The following TSHZ3 variants were observed in gnomAD, a reference collection of about 807,000 sequenced individuals.
The protein encoded by TSHZ3 is teashirt zinc finger homeobox 3, also known as teashirt homolog 3.
In TSHZ3, 10 loss-of-function variants were observed where a neutral mutation model predicts 64.5. The observed-to-expected ratio is 0.16, with a 90% CI of 0.10 to 0.26. The LOEUF is 0.26. TSHZ3 is among the 10% of genes least tolerant of loss of function. The probability of loss-of-function intolerance (pLI) is 1.00; values close to 1 mark genes in which losing one functional copy is unlikely to be tolerated. For synonymous variants in TSHZ3, 608 were observed against 593.1 expected (o/e 1.03, Z -0.36); for missense variants, 1,242 against 1,421.7 (o/e 0.87, Z 2.03).
At chr19:31,322,136 G>GT (rs953791680) in intron 1 of TSHZ3, among the ~76,000 whole-genome samples, 16 of 151,306 alleles carry the variant, frequency 1.1e-4, no homozygotes, top group East Asian at 5.8e-4. Context: ...ATGTTTGTTT[G>GT]TTTTTTTTTG....
chr19:31,316,563 C>A lies in TSHZ3; in HGVS notation c.40+32617G>T, dbSNP rs192276457. Among the ~76,000 whole-genome samples, 128 of 152,336 alleles carry A rather than the reference C, an allele frequency of 8.4e-4. 1 individual carries two copies. Among genetic ancestry groups the A allele is most frequent in the Admixed American group, 7.6e-3 (117 of 15,308 alleles). On this transcript the variant is annotated intron_variant, in intron 1 of 1. Transcript: ENST00000240587. ...TGCAATCAAGCCTCTTGCAATCAAACAGCCTGGGCTGGGGAAATAGTGCTA... is the reference window on the plus strand; with the variant it reads ...TGCAATCAAGCCTCTTGCAATCAAAAAGCCTGGGCTGGGGAAATAGTGCTA...
intron 5 of TSHZ3, among the ~76,000 whole-genome samples, chr19:31,176,755 A>G (rs989432792): frequency 1.3e-5 from 2 of 152,184 alleles, no homozygotes; most frequent in African/African-American, 4.8e-5. Flanking sequence ...GCACCAGTGC[A>G]CTTTAGCCTG....
At chr19:31,191,216 C>T (rs1360403357) in intron 5 of TSHZ3, among the ~76,000 whole-genome samples, 1 of 151,874 alleles carries the variant, frequency 6.6e-6, no homozygotes. Flanking sequence ...ACAGGAGAAA[C>T]ATAAAGATAT....
rs535909241 is a variant in TSHZ3 at position 31,241,874 on chromosome 19, T to C, written n.550+395A>G. On this transcript the variant is annotated intron_variant and non_coding_transcript_variant, in intron 3 of 6. Coordinates refer to the TSHZ3 transcript ENST00000651361. The stretch of plus-strand genomic sequence containing the variant: ...TCATACGTTGTGTCTAGTTTTATAG[T>C]TCTTTATGACAAGAGAACCAACTGA... Among the ~76,000 whole-genome samples, 3 of 152,348 alleles carry C rather than the reference T, an allele frequency of 2.0e-5. No homozygotes were observed. In the East Asian group the frequency reaches 5.8e-4, roughly 29 times the overall value.
intron 1 of TSHZ3, among the ~76,000 whole-genome samples, chr19:31,248,134 C>T (rs967591268): frequency 3.9e-5 from 6 of 152,034 alleles, no homozygotes; most frequent in African/African-American, 1.4e-4. Flanking sequence ...ATGGGGGAAA[C>T]CTCCTGCACG....
intron 5 of TSHZ3, among the ~76,000 whole-genome samples, chr19:31,169,171 G>A (rs1974499732): frequency 6.6e-6 from 1 of 151,740 alleles, no homozygotes. Flanking sequence ...GAAAAAGAAA[G>A]TAAAAAGGCC....
At chr19:31,280,556 G>C (rs1317681746) in intron 1 of TSHZ3, among the ~76,000 whole-genome samples, 1 of 152,162 alleles carries the variant, frequency 6.6e-6, no homozygotes, top group East Asian at 1.9e-4. Context: ...AACAAGTTCA[G>C]GAAAATTGGT....
At chr19:31,221,956 C>A (rs1397232772) in intron 4 of TSHZ3, among the ~76,000 whole-genome samples, 1 of 152,204 alleles carries the variant, frequency 6.6e-6, no homozygotes, top group Non-Finnish European at 1.5e-5. Context: ...AGCCCCAGGA[C>A]TTTGAATCTG....
At chr19:31,320,035 T>A (rs1162215380) in intron 1 of TSHZ3, among the ~76,000 whole-genome samples, 2 of 151,978 alleles carry the variant, frequency 1.3e-5, no homozygotes, top group Admixed American at 6.5e-5. Flanking sequence ...GAGCTGCAGA[T>A]GACCTGACGT....
rs142446291 is a variant in TSHZ3 at position 31,203,116 on chromosome 19, G to T, written n.809+1840C>A. The stretch of plus-strand genomic sequence containing the variant: ...ATGTTTGGAGGAGGGTGCCATAGAG[G>T]TTTAGATGGTCAAAGGAAGCTCCAT... On this transcript the variant is annotated intron_variant and non_coding_transcript_variant, in intron 5 of 6. Transcript: ENST00000651361. 2.0e-4 allele frequency among the ~76,000 whole-genome samples: 30 copies of T among 152,160 alleles called. No homozygotes were observed. The East Asian group carries it at 2.3e-3, about 12-fold the overall frequency.
chr19:31,154,993 C>T (rs1429634766), intron 6 of TSHZ3, among the ~76,000 whole-genome samples: 1 of 152,358 alleles, frequency 6.6e-6, no homozygotes, highest in Non-Finnish European at 1.5e-5. Flanking sequence ...GGGGACACCC[C>T]TTGCCTCTGT....
At chr19:31,274,726 C>A (rs186407688), downstream of TSHZ3, among the ~76,000 whole-genome samples, 1 of 151,850 alleles carries the variant, frequency 6.6e-6, no homozygotes, top group Admixed American at 6.6e-5. Flanking sequence ...TGTTTATTCT[C>A]GGTGCAGATC....
chr19:31,308,417 C>G (rs1367186311), intron 1 of TSHZ3: 4 of 381,182 alleles, frequency 1.0e-5, no homozygotes, highest in African/African-American at 2.1e-5. Flanking sequence ...GAACATTCCC[C>G]CGACAGGCAA....
chr19:31,152,426 G>T (rs1459995602), intron 6 of TSHZ3, among the ~76,000 whole-genome samples: 1 of 152,066 alleles, frequency 6.6e-6, no homozygotes, highest in Admixed American at 6.5e-5. Flanking sequence ...GAGGTGGGAG[G>T]ATTGCCGCTT....
intron 1 of TSHZ3, among the ~76,000 whole-genome samples, chr19:31,313,849 ACT>A (rs1916527226): frequency 6.6e-6 from 1 of 152,184 alleles, no homozygotes; most frequent in African/African-American, 2.4e-5. Flanking sequence ...AGGGTATGGC[ACT>A]GAGAGTCCGG....
intron 1 of TSHZ3, among the ~76,000 whole-genome samples, chr19:31,328,925 G>A (rs1281007877): frequency 1.3e-5 from 2 of 152,158 alleles, no homozygotes; most frequent in East Asian, 1.9e-4. Context: ...TCACCTAAGC[G>A]GGAGTGGCTC....
chr19:31,189,499 A>G (rs560460012), intron 5 of TSHZ3, among the ~76,000 whole-genome samples: 1 of 152,020 alleles, frequency 6.6e-6, no homozygotes, highest in South Asian at 2.1e-4. Flanking sequence ...TTTGATGAGT[A>G]GGTTATTTAG....
intron 1 of TSHZ3, among the ~76,000 whole-genome samples, chr19:31,267,388 C>T (rs1311586211): frequency 6.6e-6 from 1 of 152,132 alleles, no homozygotes; most frequent in East Asian, 1.9e-4. Flanking sequence ...TTCAAATGGG[C>T]CATGGTGGTC....
intron 1 of TSHZ3, among the ~76,000 whole-genome samples, chr19:31,260,318 T>C (rs1975968500): frequency 6.6e-6 from 1 of 152,242 alleles, no homozygotes; most frequent in Admixed American, 6.5e-5. Flanking sequence ...CTCTTGTCCG[T>C]GGTGCCCTGC....
Sources: gnomAD v4.1 joint callset for allele counts (sites outside exome capture counted in the v4.1 genomes callset) on GRCh38, gnomAD v4.1.1 for gene constraint, MANE v1.5 for transcripts, NCBI Gene and HGNC (gene_info 2026-07-23, HGNC 2026-07-21) for gene names.